APBA1: variants seen among roughly 807,000 people sequenced by gnomAD.
The protein encoded by APBA1 is amyloid beta precursor protein binding family A member 1.
In APBA1, 55 loss-of-function variants were observed where a neutral mutation model predicts 86.6. That is an observed-to-expected ratio of 0.64 (90% CI 0.51 to 0.80). The LOEUF (loss-of-function observed/expected upper bound fraction) is 0.80. Ranked by LOEUF, APBA1 falls within the 30% of genes least tolerant of loss-of-function variation. The pLI, the probability that APBA1 is intolerant of heterozygous loss-of-function variation, is 0.00. For synonymous variants in APBA1, 511 were observed against 493.9 expected, an observed-to-expected ratio of 1.03 and a Z score of -0.46; for missense variants, 1,090 against 1,183.0, an observed-to-expected ratio of 0.92 and a Z score of 1.15.
chr9:69,549,285 T>G (rs13288354), intron 1 of APBA1, among the ~76,000 whole-genome samples: 59,329 of 151,940 alleles, frequency 0.39, 12,883 homozygotes, highest in Non-Finnish European at 0.48. Flanking sequence ...ATGTGGGTTT[T>G]GGGGAGGAGA....
chr9:69,546,889 TAG>T (rs1297588383), intron 1 of APBA1, among the ~76,000 whole-genome samples: 1 of 152,208 alleles, frequency 6.6e-6, no homozygotes, highest in Non-Finnish European at 1.5e-5. Flanking sequence ...ACCTACTTTA[TAG>T]AGTTACTGCA....
chr9:69,581,946 T>TA (rs1821919788), intron 1 of APBA1, among the ~76,000 whole-genome samples: 1 of 152,132 alleles, frequency 6.6e-6, no homozygotes, highest in South Asian at 2.1e-4. Context: ...AGTGGGTTGA[T>TA]AGAGTCCCAG....
At chr9:69,586,034 C>G (rs1588378798) in intron 1 of APBA1, among the ~76,000 whole-genome samples, 1 of 152,184 alleles carries the variant, frequency 6.6e-6, no homozygotes, top group African/African-American at 2.4e-5. Context: ...GACCAATTGT[C>G]TGGCCCATGG....
chr9:69,456,176 T>G (rs1835092993), intron 8 of APBA1, 71 bp downstream of exon 8: 1 of 1,510,234 alleles, frequency 6.6e-7, no homozygotes, highest in African/African-American at 1.4e-5. Flanking sequence ...GTGTGATGAA[T>G]TAGACTGAAT....
At chr9:69,636,818 AGAGAGAGAGAGAGG>A (rs1823170865) in intron 1 of APBA1, among the ~76,000 whole-genome samples, 2 of 26,888 alleles carry the variant, frequency 7.4e-5, no homozygotes, top group African/African-American at 2.3e-4. Context: ...AGAGAGAGAG[AGAGAGAGAGAGAGG>A]GAGGGAGGGA....
intron 1 of APBA1, among the ~76,000 whole-genome samples, chr9:69,567,696 C>T (rs1414061105): frequency 2.0e-5 from 3 of 152,144 alleles, no homozygotes; most frequent in African/African-American, 4.8e-5. Context: ...CTGGGCCTCA[C>T]GCTCTCATGT....
At chr9:69,574,189 C>A (rs939817892) in intron 1 of APBA1, among the ~76,000 whole-genome samples, 7 of 152,086 alleles carry the variant, frequency 4.6e-5, no homozygotes, top group Non-Finnish European at 1.0e-4. Context: ...ATGGTGCATC[C>A]CCCTGGCCTT....
intron 4 of APBA1, among the ~76,000 whole-genome samples, chr9:69,468,985 C>T (rs990665322): frequency 9.9e-5 from 15 of 151,942 alleles, no homozygotes; most frequent in Non-Finnish European, 4.4e-5. Context: ...CCACCTCAGC[C>T]TCCCAAGTGG....
intron 1 of APBA1, among the ~76,000 whole-genome samples, chr9:69,634,081 C>A (rs184002991): frequency 1.3e-5 from 2 of 152,156 alleles, no homozygotes; most frequent in African/African-American, 2.4e-5. Flanking sequence ...AAAAATCAGA[C>A]GAGCAATCAA....
At chr9:69,575,932 A>G (rs1481773140) in intron 1 of APBA1, among the ~76,000 whole-genome samples, 1 of 152,148 alleles carries the variant, frequency 6.6e-6, no homozygotes, top group African/African-American at 2.4e-5. Flanking sequence ...CCTACAGAAT[A>G]AGAGAAAATT....
chr9:69,467,580 G>A (rs1268401855), intron 5 of APBA1, among the ~76,000 whole-genome samples: 2 of 152,194 alleles, frequency 1.3e-5, no homozygotes, highest in African/African-American at 2.4e-5. Context: ...TTGTGATCAT[G>A]AGCACTTCTT....
At chr9:69,646,641 CT>C (rs1823396052) in intron 1 of APBA1, among the ~76,000 whole-genome samples, 1 of 152,202 alleles carries the variant, frequency 6.6e-6, no homozygotes. Context: ...TTCTGGTCTG[CT>C]CTCCTGCAGG....
At chr9:69,466,099 T>G (rs538866057) in intron 5 of APBA1, among the ~76,000 whole-genome samples, 1 of 151,548 alleles carries the variant, frequency 6.6e-6, no homozygotes, top group Non-Finnish European at 1.5e-5. Flanking sequence ...CTAGGAGGAG[T>G]TAAGAGAAGG....
chr9:69,604,817 T>C (rs1440475348), intron 1 of APBA1, among the ~76,000 whole-genome samples: 2 of 145,410 alleles, frequency 1.4e-5, no homozygotes, highest in Non-Finnish European at 3.0e-5. Flanking sequence ...GGCACATGAG[T>C]GTGGGCACAC....
At chr9:69,636,171 A>C (rs1043479722) in intron 1 of APBA1, among the ~76,000 whole-genome samples, 3 of 152,264 alleles carry the variant, frequency 2.0e-5, no homozygotes, top group Non-Finnish European at 4.4e-5. Context: ...ATTATCAGAT[A>C]AATGTAAGTG....
rs1836166259 is a variant in APBA1, at chr9:69,516,853, C to T, written c.358G>A (p.Val120Met). The T allele has an allele frequency of 1.2e-6, 2 of 1,601,626 alleles. No homozygotes were observed. Among genetic ancestry groups the T allele is most frequent in the African/African-American group, 1.3e-5 (1 of 74,872 alleles). ...QDPEDESAYA[V>M]QYRPEAEEYT... is the part of the protein sequence containing the mutation. Reference sequence around the variant, plus strand: ...TCCTCGGCCTCGGGCCGGTACTGCACAGCATAGGCGCTCTCGTCCTCGGGG... The same window carrying T: ...TCCTCGGCCTCGGGCCGGTACTGCATAGCATAGGCGCTCTCGTCCTCGGGG... Residue 120 changes from valine to methionine, a missense_variant, in exon 2 of 13, where the codon GTG becomes ATG. Transcript: ENST00000265381. The surrounding 1 kb of genome is among the most constrained non-coding windows in gnomAD (Gnocchi z 7.3).
At chr9:69,577,351 T>C (rs1223705109) in intron 1 of APBA1, among the ~76,000 whole-genome samples, 3 of 152,138 alleles carry the variant, frequency 2.0e-5, no homozygotes, top group Non-Finnish European at 4.4e-5. Context: ...GATGGTGACA[T>C]GAGACTGAGG....
chr9:69,436,964 T>C (rs1461760890), intron 11 of APBA1, among the ~76,000 whole-genome samples: 1 of 152,138 alleles, frequency 6.6e-6, no homozygotes, highest in Non-Finnish European at 1.5e-5. Flanking sequence ...ATACCTAATT[T>C]ATTGAGAGTT....
intron 2 of APBA1, among the ~76,000 whole-genome samples, chr9:69,480,822 C>T (rs1418856362): frequency 1.9e-4 from 14 of 72,966 alleles, no homozygotes; most frequent in South Asian, 6.0e-4. Context: ...GTTCAATATA[C>T]GCAAATCAAT....
Sources: allele counts gnomAD v4.1 joint callset (sites outside exome capture counted in the v4.1 genomes callset), GRCh38; gene constraint gnomAD v4.1.1; non-coding constraint Gnocchi (gnomAD v3.1); transcripts MANE v1.5; gene names NCBI Gene and HGNC (gene_info 2026-07-23, HGNC 2026-07-21).